CLN8: variants seen among roughly 807,000 people sequenced by gnomAD.
CLN8 encodes the protein protein CLN8.
In CLN8, 14 loss-of-function variants were observed where a neutral mutation model predicts 15.7. The observed-to-expected ratio is 0.89, with a 90% CI of 0.59 to 1.39. CLN8 has a LOEUF of 1.39. Ranked by LOEUF, CLN8 falls within the 40% of genes most tolerant of loss-of-function variation. The pLI is 0.00. For synonymous variants in CLN8, 188 were observed against 151.0 expected, an observed-to-expected ratio of 1.25 and a Z score of -1.80; for missense variants, 415 against 364.0, an observed-to-expected ratio of 1.14 and a Z score of -1.14.
intron 2 of CLN8, among the ~76,000 whole-genome samples, chr8:1,775,716 G>C (rs1334314332): frequency 1.3e-5 from 2 of 152,206 alleles, no homozygotes; most frequent in African/African-American, 2.4e-5. Context: ...ACAGTGTACT[G>C]TACAGTTCAT....
upstream of CLN8, among the ~76,000 whole-genome samples, chr8:1,755,131 T>A (rs934227458): frequency 6.6e-6 from 1 of 152,170 alleles, no homozygotes; most frequent in South Asian, 2.1e-4. Context: ...CGTCATTCCA[T>A]GAACTTCTCC....
At chr8:1,773,457 T>C (rs780340971) in intron 2 of CLN8, 1 of 153,080 alleles carries the variant, frequency 6.5e-6, no homozygotes, top group African/African-American at 2.4e-5. Flanking sequence ...GAACCATGAA[T>C]AGTTTGAAAG....
At position 1,783,366 on chromosome 8, in the gene CLN8, T is replaced by C. The variant is rs1468124759; in HGVS notation, c.*2799T>C. On this transcript the variant is annotated 3_prime_UTR_variant, in exon 3 of 3. Transcript: ENST00000331222. The stretch of plus-strand genomic sequence containing the variant: ...TGGAACTGCTTGAAAACTAGGACGA[T>C]TGGGCAATATCGGCCTTAACTCCAC... The C allele has an allele frequency of 1.3e-5, 2 of 152,208 alleles. No individual in the cohort carries two copies. Among genetic ancestry groups the C allele is most frequent in the Admixed American group, 6.5e-5 (1 of 15,286 alleles). The allele number at this position is 152,208 out of a possible 1,614,324, so 9.4% of individuals were successfully genotyped here.
intron 1 of CLN8, 38 bp from the exon 2 acceptor site, chr8:1,770,894 C>A: frequency 1.5e-6 from 1 of 682,852 alleles, no homozygotes; most frequent in Non-Finnish European, 2.6e-6. Context: ...GTCCTTGTTT[C>A]TATCGAGTCA....
At chr8:1,776,137 CAT>C (rs749250945) in intron 2 of CLN8, among the ~76,000 whole-genome samples, 105 of 151,822 alleles carry the variant, frequency 6.9e-4, no homozygotes, top group Middle Eastern at 3.5e-3. Context: ...GAGGGGCACA[CAT>C]GCGTGGCAGT....
chr8:1,770,964 C>A lies in CLN8; in HGVS notation c.-91C>A. ...ATGGATACGTGACAATCCCAGGGAC[C>A]GCTGCACTGACTTCATTTCCTTAGA... On this transcript the variant is annotated 5_prime_UTR_variant, in exon 2 of 3. Coordinates refer to ENST00000331222, the MANE Select transcript of CLN8 (RefSeq NM_018941.4). 1 of 1,175,812 alleles carries A rather than the reference C, an allele frequency of 8.5e-7. No individual in the cohort carries two copies. Among genetic ancestry groups the A allele is most frequent in the Non-Finnish European group, 1.3e-6 (1 of 791,306 alleles). 72.8% of individuals were successfully genotyped at this position (1,175,812 alleles called of 1,614,324 possible). A position where few individuals can be genotyped will look rare whatever the true frequency, so the allele number is the denominator to read the frequency against.
Position 1,783,383 on chromosome 8 carries a change from T to C in CLN8, c.*2816T>C, listed in dbSNP as rs1421315193. ...TAGGACGATTGGGCAATATCGGCCT[T>C]AACTCCACCTGATGGCAGGTGACCC... On this transcript the variant is annotated 3_prime_UTR_variant, in exon 3 of 3. Coordinates refer to ENST00000331222, the MANE Select transcript of CLN8 (RefSeq NM_018941.4). 1.3e-5 allele frequency: 2 copies of C among 152,254 alleles called. No homozygotes were observed. Among genetic ancestry groups the C allele is most frequent in the Non-Finnish European group, 2.9e-5 (2 of 68,058 alleles). The allele number at this position is 152,254 out of a possible 1,614,324, so 9.4% of individuals were successfully genotyped here. A position where few individuals can be genotyped will look rare whatever the true frequency, so the allele number is the denominator to read the frequency against.
chr8:1,771,657 A>G (rs1250108710), intron 2 of CLN8, 60 bp downstream of exon 2: 5 of 1,498,398 alleles, frequency 3.3e-6, no homozygotes, highest in East Asian at 2.3e-5. Context: ...ACTGGCTACA[A>G]TGTCCTGGAC....
intron 2 of CLN8, chr8:1,773,024 G>A (rs1285943169): frequency 1.5e-5 from 6 of 398,380 alleles, no homozygotes; most frequent in East Asian, 3.6e-5. Flanking sequence ...GTGCACTGCA[G>A]TGTAAACAGT....
intron 2 of CLN8, 127 bp downstream of exon 2, chr8:1,771,724 C>A: frequency 1.2e-6 from 1 of 835,006 alleles, no homozygotes. Flanking sequence ...GTTACAAACT[C>A]ATTTTAGTTG....
chr8:1,756,618 G>C (rs1009682534), intron 1 of CLN8, among the ~76,000 whole-genome samples: 1 of 76,378 alleles, frequency 1.3e-5, no homozygotes, highest in African/African-American at 4.8e-5. Flanking sequence ...TCCTAAAATA[G>C]TAACAGGATG....
intron 2 of CLN8, among the ~76,000 whole-genome samples, chr8:1,772,530 C>T (rs1220138900): frequency 7.2e-5 from 11 of 152,196 alleles, no homozygotes; most frequent in Non-Finnish European, 1.6e-4. Flanking sequence ...ATGATCTTGG[C>T]TCACTGCAAC....
chr8:1,758,110 G>A (rs943282365), intron 1 of CLN8: 1 of 152,046 alleles, frequency 6.6e-6, no homozygotes, highest in Non-Finnish European at 1.5e-5. Context: ...GCAAGCCATC[G>A]GCACTGTGTT....
At chr8:1,754,237 C>T (rs533506331), upstream of CLN8, among the ~76,000 whole-genome samples, 6 of 152,354 alleles carry the variant, frequency 3.9e-5, no homozygotes, top group Admixed American at 3.3e-4. Context: ...CTCCTGCTGG[C>T]CTGCCCGTTG....
At chr8:1,776,377 A>G (rs1801516846) in intron 2 of CLN8, among the ~76,000 whole-genome samples, 1 of 152,098 alleles carries the variant, frequency 6.6e-6, no homozygotes, top group African/African-American at 2.4e-5. Context: ...GTACACACAC[A>G]TGTGATAACA....
rs767778954 is a variant in CLN8, at chr8:1,782,031, A to C, written c.*1464A>C. The C allele has an allele frequency of 6.6e-6, 1 of 152,094 alleles. No individual in the cohort carries two copies. The highest frequency in any genetic ancestry group is 1.5e-5 in the Non-Finnish European group (1 of 68,048). 9.4% of individuals were successfully genotyped at this position (152,094 alleles called of 1,614,324 possible). A position where few individuals can be genotyped will look rare whatever the true frequency, so the allele number is the denominator to read the frequency against. The stretch of plus-strand genomic sequence containing the variant: ...TAAAATTCAAAGTTTATTTTTTATC[A>C]CAAGCACCTTTGAAATGTACGTGGA... On this transcript the variant is annotated 3_prime_UTR_variant, in exon 3 of 3. Transcript: ENST00000331222.
At chr8:1,766,571 T>TTAG (rs1485280763) in intron 1 of CLN8, among the ~76,000 whole-genome samples, 1 of 151,888 alleles carries the variant, frequency 6.6e-6, no homozygotes, top group Non-Finnish European at 1.5e-5. Flanking sequence ...TTTTTGTATT[T>TTAG]TAGTAGAGAC....
chr8:1,776,658 T>C (rs1801529793), intron 2 of CLN8, among the ~76,000 whole-genome samples: 2 of 152,262 alleles, frequency 1.3e-5, no homozygotes, highest in Non-Finnish European at 2.9e-5. Flanking sequence ...CTTTGTTTAC[T>C]TGATAAATGC....
At chr8:1,760,981 C>T (rs535205813), upstream of CLN8, among the ~76,000 whole-genome samples, 1 of 145,904 alleles carries the variant, frequency 6.9e-6, no homozygotes, top group African/African-American at 2.5e-5. Flanking sequence ...CATTTCAGTG[C>T]GTAACTACAT....
Sources: allele counts gnomAD v4.1 joint callset (sites outside exome capture counted in the v4.1 genomes callset), GRCh38; gene constraint gnomAD v4.1.1; transcripts MANE v1.5; gene names NCBI Gene and HGNC (gene_info 2026-07-23, HGNC 2026-07-21).